TP73: variants seen among roughly 807,000 people sequenced by gnomAD.
TP73 encodes tumor protein p73.
Under a neutral mutation model 62.5 loss-of-function variants are expected in TP73, and 25 were observed. The ratio of observed to expected loss-of-function variants is 0.40; its 90% CI spans 0.29 to 0.56. The LOEUF (loss-of-function observed/expected upper bound fraction) is 0.56, where lower values mean the gene tolerates loss of function less well. Among genes scored for constraint, TP73 ranks in the 20% least tolerant of loss-of-function variants. TP73 has a pLI of 0.46. For synonymous variants in TP73, 423 were observed against 377.5 expected, an observed-to-expected ratio of 1.12 and a Z score of -1.40; for missense variants, 754 against 913.3, an observed-to-expected ratio of 0.83 and a Z score of 2.25.
In TP73 at chr1:3,683,061, G is replaced by A. The variant is rs1282746368; in HGVS notation, c.67G>A (p.Glu23Lys). Residue 23 changes from glutamate to lysine, a missense_variant and splice_region_variant, in exon 3 of 14, where the codon GAA becomes AAA. Around this residue, in one of 3 missense-constraint regions of TP73, gnomAD observed 235 missense variants for 251.4 expected, o/e 0.93. Transcript: ENST00000378295. ...TTFEHLWSSL[E>K]PDSTYFDLPQ... ...TCTATTTTCCTCTCCCTGCCCCAGG[G>A]AACCAGACAGCACCTACTTCGACCT... is the stretch of plus-strand genomic sequence containing the variant. The A allele has an allele frequency of 6.2e-7, 1 of 1,603,852 alleles. No individual in the cohort carries two copies.
intron 3 of TP73, among the ~76,000 whole-genome samples, chr1:3,687,217 C>T (rs1645681197): frequency 6.6e-6 from 1 of 152,184 alleles, no homozygotes; most frequent in Non-Finnish European, 1.5e-5. Context: ...GCCCGGGCCT[C>T]CCCATGGGCT....
chr1:3,661,095 T>A (rs1303472714), intron 1 of TP73, among the ~76,000 whole-genome samples: 1 of 152,092 alleles, frequency 6.6e-6, no homozygotes, highest in Non-Finnish European at 1.5e-5. Context: ...ATAAGCCCAA[T>A]TTATTTAATA....
chr1:3,687,193 G>A (rs945502505), intron 3 of TP73, among the ~76,000 whole-genome samples: 2 of 152,192 alleles, frequency 1.3e-5, no homozygotes, highest in African/African-American at 2.4e-5. Flanking sequence ...GAGGAGAGCA[G>A]GGGGAAGCCT....
chr1:3,728,223 T>C lies in TP73; in HGVS notation c.1074+6T>C. The stretch of plus-strand genomic sequence containing the variant: ...AGGACACGTACTACCTTCAGGTGAG[T>C]GTGTGCTCCTGCACGGCAGCCGGGA... On this transcript the variant is annotated splice_donor_region_variant and intron_variant, in intron 9 of 13. Coordinates refer to ENST00000378295, the MANE Select transcript of TP73 (RefSeq NM_005427.4). The C allele has an allele frequency of 6.2e-7, 1 of 1,610,626 alleles. No homozygotes were observed. Among genetic ancestry groups the C allele is most frequent in the Middle Eastern group, 1.7e-4 (1 of 6,060 alleles).
intron 1 of TP73, among the ~76,000 whole-genome samples, chr1:3,653,526 G>A (rs1644803975): frequency 6.6e-6 from 1 of 152,258 alleles, no homozygotes; most frequent in Admixed American, 6.5e-5. Flanking sequence ...CAAGGGTGCA[G>A]GGAAAAGCAA....
chr1:3,685,743 T>A (rs545370648), intron 3 of TP73, among the ~76,000 whole-genome samples: 2 of 152,286 alleles, frequency 1.3e-5, no homozygotes, highest in Non-Finnish European at 2.9e-5. Flanking sequence ...GGGCTGGAGC[T>A]GAACTGGGGG....
rs764474137 is a variant in TP73 at position 3,731,051 on chromosome 1, C to T, written c.1470C>T (p.Asp490=). The T allele has an allele frequency of 6.2e-7, 1 of 1,611,672 alleles. No individual in the cohort carries two copies. Among genetic ancestry groups the T allele is most frequent in the Non-Finnish European group, 8.5e-7 (1 of 1,179,318 alleles). ...HCTPPPPYHA[D]PSLVSFLTGL... is the part of the protein sequence containing the mutation. ...CTCCGCCACCCCCCTACCACGCCGA[C>T]CCCAGCCTCGTCAGGTGCGTGGGCT... The change falls in exon 12 of 14, where the codon GAC becomes GAT. Residue 490 remains aspartate (D), a synonymous_variant. Transcript: ENST00000378295.
At position 3,662,024 on chromosome 1, in the gene TP73, A is replaced by C. The variant is rs973716814; in HGVS notation, c.-34+9383A>C. The C allele has an allele frequency of 4.0e-5, 6 of 151,020 alleles. No homozygotes were observed. The highest frequency in any genetic ancestry group is 2.0e-4 in the Admixed American group (3 of 15,128). The allele number at this position is 151,020 out of a possible 1,614,324, so 9.4% of individuals were successfully genotyped here. On this transcript the variant is annotated intron_variant, in intron 1 of 13. Coordinates refer to ENST00000378295, the MANE Select transcript of TP73 (RefSeq NM_005427.4). This position sits in a 1 kb window ranked among gnomAD's most constrained non-coding sequence, Gnocchi z 4.4. Reference sequence around the variant, plus strand: ...CGATGAACTATGATGGTGCCACTGCACTCTAGCCTGGGTGACAGAGTGAGA... The same window carrying C: ...CGATGAACTATGATGGTGCCACTGCCCTCTAGCCTGGGTGACAGAGTGAGA...
chr1:3,656,621 C>T (rs1348364531), intron 1 of TP73, among the ~76,000 whole-genome samples: 3 of 152,186 alleles, frequency 2.0e-5, no homozygotes, highest in Non-Finnish European at 4.4e-5. Flanking sequence ...CTGCAAAGTA[C>T]GGGAGTGGGG....
intron 13 of TP73, 70 bp from the exon 14 acceptor site, chr1:3,732,676 AG>A: frequency 6.4e-6 from 9 of 1,399,202 alleles, no homozygotes; most frequent in Non-Finnish European, 8.6e-6. Context: ...CCAGACCTCC[AG>A]GCCCAGGGCG....
At chr1:3,661,720 G>T (rs940296720) in intron 1 of TP73, among the ~76,000 whole-genome samples, 3 of 46,828 alleles carry the variant, frequency 6.4e-5, no homozygotes, top group African/African-American at 1.2e-4. Flanking sequence ...CATGTATTTT[G>T]TGTATATATA....
At chr1:3,689,012 T>C (rs1373290483) in intron 3 of TP73, among the ~76,000 whole-genome samples, 2 of 152,178 alleles carry the variant, frequency 1.3e-5, no homozygotes, top group African/African-American at 4.8e-5. Context: ...AGGCTGAGGA[T>C]GTGCCCTGTG....
intron 1 of TP73, among the ~76,000 whole-genome samples, chr1:3,660,084 T>C (rs2102008021): frequency 6.6e-6 from 1 of 152,374 alleles, no homozygotes. Flanking sequence ...AGGCTTTCTT[T>C]AGGTCAGCTT....
chr1:3,717,372 G>A (rs1394959929), intron 4 of TP73, among the ~76,000 whole-genome samples: 1 of 152,240 alleles, frequency 6.6e-6, no homozygotes, highest in East Asian at 1.9e-4. Flanking sequence ...GCGTGGGGAG[G>A]GATGGGCACA....
Position 3,733,745 on chromosome 1 carries a change from C to G in TP73, c.*666C>G, listed in dbSNP as rs1472191306. On this transcript the variant is annotated 3_prime_UTR_variant, in exon 14 of 14. Transcript: ENST00000378295. ...AAATTGGAGAAAACTGGGGAGGGCG[C>G]AACCCCCCCCAGGCGCGGGGAAGCA... is the stretch of plus-strand genomic sequence containing the variant. The G allele has an allele frequency of 6.6e-6, 1 of 152,346 alleles. No individual in the cohort carries two copies. The highest frequency in any genetic ancestry group is 1.5e-5 in the Non-Finnish European group (1 of 68,180). 9.4% of individuals were successfully genotyped at this position (152,346 alleles called of 1,614,324 possible). A position where few individuals can be genotyped will look rare whatever the true frequency, so the allele number is the denominator to read the frequency against.
intron 4 of TP73, among the ~76,000 whole-genome samples, chr1:3,711,580 G>T (rs565573326): frequency 5.6e-4 from 85 of 152,368 alleles, no homozygotes; most frequent in African/African-American, 1.9e-3. Context: ...GAAGTTTGGG[G>T]ACGGGGCTCT....
In TP73 at chr1:3,662,146, C is replaced by G. The variant is rs1450778419; in HGVS notation, c.-34+9505C>G. 2 of 152,166 alleles carry G rather than the reference C, an allele frequency of 1.3e-5. No individual in the cohort carries two copies. The highest frequency in any genetic ancestry group is 2.9e-5 in the Non-Finnish European group (2 of 68,044). The allele number at this position is 152,166 out of a possible 1,614,324, so 9.4% of individuals were successfully genotyped here. Reference sequence around the variant, plus strand: ...TGGAGCAGCCCCTGAAGGTGGAGACCAGGCACCTGCTGGAGCAGGAACTCT... The same window carrying G: ...TGGAGCAGCCCCTGAAGGTGGAGACGAGGCACCTGCTGGAGCAGGAACTCT... On this transcript the variant is annotated intron_variant, in intron 1 of 13. Transcript: ENST00000378295. This position sits in a 1 kb window ranked among gnomAD's most constrained non-coding sequence, Gnocchi z 4.4.
At position 3,730,011 on chromosome 1, in the gene TP73, A is replaced by C; in HGVS notation, c.1208A>C (p.Gln403Pro). The change falls in exon 11 of 14, where the codon CAG (glutamine) becomes CCG (proline). Residue 403 changes from glutamine (Q) to proline (P), a missense_variant. This residue lies in a region of TP73 where 458 missense variants were observed against 528.7 expected (regional missense o/e 0.87). Transcript: ENST00000378295. ...QQLLQRPSHL[Q>P]PPSYGPVLSP... Reference sequence around the variant, plus strand: ...TTGCTTCTGAGCAGGAGTCACCTACAGCCCCCGTCCTACGGGCCGGTCCTC... The same window carrying C: ...TTGCTTCTGAGCAGGAGTCACCTACCGCCCCCGTCCTACGGGCCGGTCCTC... 1 of 1,593,960 alleles carries C rather than the reference A, an allele frequency of 6.3e-7. No homozygotes were observed. The highest frequency in any genetic ancestry group is 2.3e-5 in the East Asian group (1 of 44,342).
chr1:3,733,326 C>A lies in TP73; in HGVS notation c.*247C>A. ...CTGCCCTAGTGCTGGGCTTGTGGGG[C>A]GGGGGCTGGCCCACTCTCAGCCCTG... On this transcript the variant is annotated 3_prime_UTR_variant, in exon 14 of 14. Transcript: ENST00000378295. The A allele has an allele frequency of 3.5e-6, 2 of 570,742 alleles. No homozygotes were observed. Among genetic ancestry groups the A allele is most frequent in the South Asian group, 4.7e-5 (2 of 42,788 alleles). 35.4% of individuals were successfully genotyped at this position (570,742 alleles called of 1,614,324 possible). A position where few individuals can be genotyped will look rare whatever the true frequency, so the allele number is the denominator to read the frequency against.
Sources: gnomAD v4.1 joint callset for allele counts (sites outside exome capture counted in the v4.1 genomes callset) on GRCh38, gnomAD v4.1.1 for gene constraint, gnomAD v4.1.1 regional missense constraint, Gnocchi (gnomAD v3.1) non-coding constraint, MANE v1.5 for transcripts, NCBI Gene and HGNC (gene_info 2026-07-23, HGNC 2026-07-21) for gene names.